DUOX2: variants seen among roughly 807,000 people sequenced by gnomAD.
DUOX2 encodes NADH/NADPH thyroid oxidase p138-tox.
In DUOX2, 185 loss-of-function variants were observed where a neutral mutation model predicts 183.3. The ratio of observed to expected loss-of-function variants is 1.01; its 90% CI spans 0.90 to 1.14. The LOEUF (loss-of-function observed/expected upper bound fraction) is 1.14. Ranked by LOEUF, DUOX2 falls within the 50% of genes most tolerant of loss-of-function variation. The pLI is 0.00. For synonymous variants in DUOX2, 788 were observed against 812.4 expected, an observed-to-expected ratio of 0.97 and a Z score of 0.51; for missense variants, 1,999 against 2,022.9, an observed-to-expected ratio of 0.99 and a Z score of 0.23.
chr15:45,094,392 G>A (rs2141138782), intron 33 of DUOX2, 120 bp from the exon 34 acceptor site: 1 of 1,560,258 alleles, frequency 6.4e-7, no homozygotes, highest in South Asian at 1.2e-5. Flanking sequence ...GCCTTGAGGA[G>A]GAGGCTTAAC....
chr15:45,109,785 G>T, intron 10 of DUOX2, 105 bp downstream of exon 10: 1 of 1,351,766 alleles, frequency 7.4e-7, no homozygotes, highest in Non-Finnish European at 1.1e-6. Flanking sequence ...CATCTCCCAT[G>T]AACCTGGGGC....
At chr15:45,107,253 T>C (rs1219236304) in intron 14 of DUOX2, 92 bp downstream of exon 14, 1 of 1,520,010 alleles carries the variant, frequency 6.6e-7, no homozygotes, top group African/African-American at 1.4e-5. Context: ...GGTGCCTGGC[T>C]CCCTGGACAG....
At chr15:45,097,577 TC>T (rs1295842623) in intron 28 of DUOX2, 36 bp downstream of exon 28, 2 of 1,614,108 alleles carry the variant, frequency 1.2e-6, no homozygotes, top group Non-Finnish European at 1.7e-6. Flanking sequence ...CATCCTGAGC[TC>T]CCTGCTCCAT....
chr15:45,105,474 C>T (rs1012762043), intron 18 of DUOX2, among the ~76,000 whole-genome samples, 169 bp downstream of exon 18: 1 of 152,186 alleles, frequency 6.6e-6, no homozygotes, highest in Non-Finnish European at 1.5e-5. Context: ...ATGTGACTTG[C>T]CTAAGGTCAC....
rs1204099804 is a variant in DUOX2 at position 45,111,885 on chromosome 15, G to A, written c.396C>T (p.Arg132=). 6 of 1,613,824 alleles carry A rather than the reference G, an allele frequency of 3.7e-6. No homozygotes were observed. The highest frequency in any genetic ancestry group is 5.1e-6 in the Non-Finnish European group (6 of 1,180,016). ...PGCPAEFLNI[R]IPPGDPVFDP... is the part of the protein sequence containing the mutation. ...CGAACACGGGGTCTCCAGGTGGGAT[G>A]CGGATGTTGAGGAACTCGGCGGGGC... Residue 132 remains arginine, a synonymous_variant, in exon 5 of 34, where the codon CGC becomes CGT. Transcript: ENST00000389039.
rs751990720 is a variant in DUOX2, at chr15:45,100,063, T to G, written c.3171A>C (p.Ala1057=). 3.1e-6 allele frequency: 5 copies of G among 1,614,102 alleles called. No individual in the cohort carries two copies. In the Admixed American group the frequency reaches 6.7e-5, roughly 22 times the overall value. The change falls in exon 24 of 34, where the codon GCA becomes GCC. Residue 1057 remains alanine, a synonymous_variant. Transcript: ENST00000389039. The part of the protein sequence containing the change: ...IFSAICVGVF[A]DRAYYYGFAS... ...TGGAACTCTTACAGTAAGCACGATC[T>G]GCAAACACGCCAACACAGATGGCCG...
At chr15:45,094,470 C>G in intron 33 of DUOX2, 93 bp downstream of exon 33, 1 of 1,548,946 alleles carries the variant, frequency 6.5e-7, no homozygotes, top group Non-Finnish European at 8.8e-7. Flanking sequence ...GGGTGGAGTT[C>G]TCTGCTCAGA....
intron 22 of DUOX2, 42 bp from the exon 23 acceptor site, chr15:45,100,880 G>A: frequency 6.9e-7 from 1 of 1,447,116 alleles, no homozygotes; most frequent in Middle Eastern, 1.8e-4. Context: ...TGTCTTTGCA[G>A]CCAGGAGAAC....
At chr15:45,099,583 G>T in intron 25 of DUOX2, 79 bp downstream of exon 25, 1 of 1,568,822 alleles carries the variant, frequency 6.4e-7, no homozygotes, top group Admixed American at 1.7e-5. Context: ...GAGGTATAAG[G>T]AGTTCCATCT....
At chr15:45,100,388 CT>C in intron 23 of DUOX2, 160 bp from the exon 24 acceptor site, 1 of 667,560 alleles carries the variant, frequency 1.5e-6, no homozygotes, top group Non-Finnish European at 2.5e-6. Flanking sequence ...TCCTCCAACC[CT>C]TTACTTCTGT....
At position 45,108,217 on chromosome 15, in the gene DUOX2, C is replaced by A. The variant is rs779398896; in HGVS notation, c.1404G>T (p.Leu468=). 6.2e-7 allele frequency: 1 copy of A among 1,614,112 alleles called. No individual in the cohort carries two copies. Among genetic ancestry groups the A allele is most frequent in the East Asian group, 2.2e-5 (1 of 44,892 alleles). ...GGTTGTACAGGGCAGCTGTGGCCTC[C>A]AGCACCTGGGGCACCACAGGAGATA... ...DLNPNVDPQV[L]EATAALYNQD... The change falls in exon 13 of 34, where the codon CTG becomes CTT. Residue 468 remains leucine (L), a synonymous_variant. Coordinates refer to ENST00000389039, the MANE Select transcript of DUOX2 (RefSeq NM_001363711.2).
In DUOX2 at chr15:45,113,075, G is replaced by T; in HGVS notation, c.72C>A (p.Gly24=). The change falls in exon 3 of 34, where the codon GGC becomes GGA. Residue 24 remains glycine (G), a splice_region_variant and synonymous_variant. Transcript: ENST00000389039. ...AGGGCAGTGAGAGTGCGTCCTGACT[G>T]CCTGTGGGCACAGAGAAGGGCCTCC... ...ALLTGSLGPS[G]SQDALSLPWE... is the part of the protein sequence containing the mutation. 6.2e-7 allele frequency: 1 copy of T among 1,613,730 alleles called. No homozygotes were observed. The highest frequency in any genetic ancestry group is 1.1e-5 in the South Asian group (1 of 91,048).
chr15:45,097,133 A>C, intron 29 of DUOX2, 105 bp downstream of exon 29: 1 of 1,542,612 alleles, frequency 6.5e-7, no homozygotes. Context: ...TTTTGGAGAC[A>C]GAGTCAGAGG....
At position 45,112,649 on chromosome 15, in the gene DUOX2, T is replaced by C. The variant is rs1425912636; in HGVS notation, c.230A>G (p.Gln77Arg). 10 of 1,612,824 alleles carry C rather than the reference T, an allele frequency of 6.2e-6. No homozygotes were observed. The highest frequency in any genetic ancestry group is 4.2e-6 in the Non-Finnish European group (5 of 1,179,906). ...GCTGAGCCGGCGCGGGTTGGGCAGC[T>C]GCGGCTCCTCCAGAGCCTGATACAC... ...DGVYQALEEP[Q>R]LPNPRRLSNA... Residue 77 changes from glutamine to arginine, a missense_variant, in exon 4 of 34, where the codon CAG becomes CGG. By Grantham distance (43) the Gln-to-Arg change is conservative (BLOSUM62 1). Around this residue, in one of 3 missense-constraint regions of DUOX2, gnomAD observed 356 missense variants for 356.4 expected, o/e 1.00. Transcript: ENST00000389039.
At position 45,093,983 on chromosome 15, in the gene DUOX2, T is replaced by G. The variant is rs553311270; in HGVS notation, c.*167A>C. 2 of 845,632 alleles carry G rather than the reference T, an allele frequency of 2.4e-6. No homozygotes were observed. Among genetic ancestry groups the G allele is most frequent in the African/African-American group, 3.4e-5 (2 of 58,822 alleles). The allele number at this position is 845,632 out of a possible 1,614,324, so 52.4% of individuals were successfully genotyped here. A position where few individuals can be genotyped will look rare whatever the true frequency, so the allele number is the denominator to read the frequency against. On this transcript the variant is annotated 3_prime_UTR_variant, in exon 34 of 34. Transcript: ENST00000389039. ...ACATAGTCTCCTGCCTTTTCTCATT[T>G]GTATAATTGTCTGGGTCAATATTCT...
chr15:45,097,426 A>G (rs778518574), intron 28 of DUOX2, 35 bp from the exon 29 acceptor site: 3 of 1,614,182 alleles, frequency 1.9e-6, no homozygotes, highest in South Asian at 2.2e-5. Flanking sequence ...ACTCAGGCCC[A>G]GCCAGGCCCC....
At position 45,093,325 on chromosome 15, in the gene DUOX2, T is replaced by A. The variant is rs1315225733; in HGVS notation, c.*825A>T. On this transcript the variant is annotated 3_prime_UTR_variant, in exon 34 of 34. Transcript: ENST00000389039. Reference sequence around the variant, plus strand: ...TGAATATCTGGCAGAGAGGCTGGAATCCTTCAGCCCCAGAGCCCAGGGACC... The same window carrying A: ...TGAATATCTGGCAGAGAGGCTGGAAACCTTCAGCCCCAGAGCCCAGGGACC... 1 of 152,164 alleles carries A rather than the reference T, an allele frequency of 6.6e-6. No individual in the cohort carries two copies. The highest frequency in any genetic ancestry group is 2.4e-5 in the African/African-American group (1 of 41,394). The allele number at this position is 152,164 out of a possible 1,614,324, so 9.4% of individuals were successfully genotyped here.
Position 45,095,894 on chromosome 15 carries a change from G to C in DUOX2, c.4014C>G (p.Pro1338=), listed in dbSNP as rs1444188582. The change falls in exon 30 of 34, where the codon CCC becomes CCG. Residue 1338 remains proline (P), a synonymous_variant. Coordinates refer to ENST00000389039, the MANE Select transcript of DUOX2 (RefSeq NM_001363711.2). ...TLSLHIRAVG[P]WTTRLREIYS... Reference sequence around the variant, plus strand: ...AGATCTCCCTGAGGCGAGTGGTCCAGGGCCCCACTGCCCGGATGTGCAGGC... The same window carrying C: ...AGATCTCCCTGAGGCGAGTGGTCCACGGCCCCACTGCCCGGATGTGCAGGC... The C allele has an allele frequency of 1.2e-6, 2 of 1,612,688 alleles. No homozygotes were observed. Among genetic ancestry groups the C allele is most frequent in the South Asian group, 2.2e-5 (2 of 91,024 alleles).
chr15:45,112,981 A>G lies in DUOX2; in HGVS notation c.160+6T>C. On this transcript the variant is annotated splice_donor_region_variant and intron_variant, in intron 3 of 33. Coordinates refer to ENST00000389039, the MANE Select transcript of DUOX2 (RefSeq NM_001363711.2). ...GCCCCAGCACGCCCGGGCCCCCAGA[A>G]CGCACCAACAGCACCACGCTCGTGG... The G allele has an allele frequency of 1.2e-6, 2 of 1,613,284 alleles. No individual in the cohort carries two copies. Among genetic ancestry groups the G allele is most frequent in the Non-Finnish European group, 1.7e-6 (2 of 1,179,824 alleles).
Sources: allele counts gnomAD v4.1 joint callset (sites outside exome capture counted in the v4.1 genomes callset), GRCh38; gene constraint gnomAD v4.1.1; regional missense constraint gnomAD v4.1.1; transcripts MANE v1.5; gene names NCBI Gene and HGNC (gene_info 2026-07-23, HGNC 2026-07-21).